The following PCDHA3 variants were observed in gnomAD, a reference collection of about 807,000 sequenced individuals.
PCDHA3 encodes protocadherin alpha 3, also known as protocadherin alpha-3.
PCDHA3 carries 41 observed loss-of-function variants against 62.2 expected under a neutral mutation model. The ratio of observed to expected loss-of-function variants is 0.66; its 90% CI spans 0.51 to 0.86. The LOEUF (loss-of-function observed/expected upper bound fraction) is 0.86, where lower values mean the gene tolerates loss of function less well. PCDHA3 is among the 40% of genes least tolerant of loss of function. The pLI is 0.00. For synonymous variants in PCDHA3, 640 were observed against 555.4 expected, an observed-to-expected ratio of 1.15 and a Z score of -2.14; for missense variants, 1,304 against 1,241.2, an observed-to-expected ratio of 1.05 and a Z score of -0.76.
intron 1 of PCDHA3, chr5:140,876,892 A>G (rs782046911): frequency 1.2e-6 from 2 of 1,614,044 alleles, no homozygotes; most frequent in South Asian, 1.1e-5. Context: ...GGGCTGCCAC[A>G]TCTTCACGGT....
chr5:140,899,050 G>A (rs1554188361), intron 1 of PCDHA3, among the ~76,000 whole-genome samples: 2 of 152,016 alleles, frequency 1.3e-5, no homozygotes, highest in African/African-American at 4.8e-5. Context: ...TGTATCCTGA[G>A]ACTTTGCTGA....
chr5:140,869,972 A>T (rs782424515), intron 1 of PCDHA3: 14 of 1,613,080 alleles, frequency 8.7e-6, no homozygotes. Context: ...AATGGAAGAC[A>T]CTTATTTACA....
intron 1 of PCDHA3, chr5:140,828,026 G>A: frequency 2.0e-6 from 3 of 1,519,410 alleles, no homozygotes; most frequent in Non-Finnish European, 2.6e-6. Context: ...ATAAATTCCG[G>A]AACATACAGT....
rs2150124604 is a variant in PCDHA3 at position 140,823,315 on chromosome 5, G to C, written c.2394+19724G>C. 2.4e-5 allele frequency: 39 copies of C among 1,612,268 alleles called. No homozygotes were observed. The Admixed American group carries it at 5.5e-4, about 23-fold the overall frequency. On this transcript the variant is annotated intron_variant, in intron 1 of 3. Transcript: ENST00000522353. ...TTACGTTTCGGTGCACGCGGAGAGC[G>C]GCAAGGTGTACGCGCTGCAGCCGCT...
Position 140,859,942 on chromosome 5 carries a change from C to T in PCDHA3, c.2394+56351C>T, listed in dbSNP as rs188063424. ...AGTAATATAAAAAACTTAGTAAAAACTCATATCAATTGTAAAAGTCTCAGG... is the reference window on the plus strand; with the variant it reads ...AGTAATATAAAAAACTTAGTAAAAATTCATATCAATTGTAAAAGTCTCAGG... On this transcript the variant is annotated intron_variant, in intron 1 of 3. Coordinates refer to ENST00000522353, the MANE Select transcript of PCDHA3 (RefSeq NM_018906.3). 5.9e-5 allele frequency: 9 copies of T among 151,828 alleles called. No individual in the cohort carries two copies. The East Asian group carries it at 1.5e-3, about 26-fold the overall frequency. 9.4% of individuals were successfully genotyped at this position (151,828 alleles called of 1,614,324 possible). A position where few individuals can be genotyped will look rare whatever the true frequency, so the allele number is the denominator to read the frequency against.
chr5:140,924,915 AT>A (rs1554202358), intron 1 of PCDHA3, among the ~76,000 whole-genome samples: 19 of 127,348 alleles, frequency 1.5e-4, no homozygotes, highest in African/African-American at 5.1e-4. Context: ...ATAAAATAAA[AT>A]AAAATAAAAT....
At chr5:140,935,639 T>A (rs1377571192) in intron 1 of PCDHA3, among the ~76,000 whole-genome samples, 2 of 152,192 alleles carry the variant, frequency 1.3e-5, no homozygotes, top group African/African-American at 4.8e-5. Context: ...AGGGCTTGCT[T>A]TTTAAATTTT....
intron 1 of PCDHA3, chr5:140,864,197 G>A (rs2048362384): frequency 6.6e-6 from 1 of 152,118 alleles, no homozygotes; most frequent in Non-Finnish European, 1.5e-5. Context: ...ATCCTTATGA[G>A]AAGGTCAAAT....
At chr5:140,884,588 C>G (rs1554181766) in intron 1 of PCDHA3, 1 of 1,614,152 alleles carries the variant, frequency 6.2e-7, no homozygotes, top group East Asian at 2.2e-5. Context: ...GGCCTTCAGT[C>G]CCAGCCTTCC....
intron 1 of PCDHA3, among the ~76,000 whole-genome samples, chr5:140,909,331 G>T (rs1162078506): frequency 6.6e-6 from 1 of 152,226 alleles, no homozygotes; most frequent in Admixed American, 6.5e-5. Context: ...ATCAATGGTT[G>T]CATACCAGGT....
intron 1 of PCDHA3, chr5:140,869,288 G>T (rs950790626): frequency 6.2e-7 from 1 of 1,613,578 alleles, no homozygotes; most frequent in East Asian, 2.2e-5. Context: ...CTGGTGCAGC[G>T]CCTGTTCCGG....
rs2150203644 is a variant in PCDHA3, at chr5:140,832,732, A to G, written c.2394+29141A>G. Among the ~76,000 whole-genome samples the G allele has an allele frequency of 1.6e-4, 25 of 152,362 alleles. No individual in the cohort carries two copies. In the East Asian group the frequency reaches 4.4e-3, roughly 27 times the overall value. On this transcript the variant is annotated intron_variant, in intron 1 of 3. Coordinates refer to ENST00000522353, the MANE Select transcript of PCDHA3 (RefSeq NM_018906.3). ...ATAGATAAATAAAGGTAAGTATCCT[A>G]CATAAATACGATGATAGTAAAAGCA...
intron 1 of PCDHA3, chr5:140,842,613 G>C (rs782736515): frequency 1.9e-6 from 3 of 1,595,698 alleles, no homozygotes; most frequent in Non-Finnish European, 2.6e-6. Flanking sequence ...CGGGACGGGG[G>C]CTCGCCTTCG....
chr5:140,978,834 C>A (rs1294349430), intron 1 of PCDHA3, 115 bp from the exon 2 acceptor site: 3 of 1,546,580 alleles, frequency 1.9e-6, no homozygotes, highest in Non-Finnish European at 2.6e-6. Context: ...ATGGCTCATT[C>A]AATACTTTTT....
At chr5:140,941,409 C>G (rs1284702446) in intron 1 of PCDHA3, among the ~76,000 whole-genome samples, 1 of 149,924 alleles carries the variant, frequency 6.7e-6, no homozygotes, top group Non-Finnish European at 1.5e-5. Flanking sequence ...CTCCGCCTCC[C>G]GGGTTCAAGC....
At chr5:140,869,100 TGCGATGTTTGGTTTTCAGAGAAGG>T (rs1554162487) in intron 1 of PCDHA3, 1 of 1,596,924 alleles carries the variant, frequency 6.3e-7, no homozygotes, top group South Asian at 1.1e-5. Flanking sequence ...CAATTTCGTA[TGCGATGTTTGGTTTTCAGAGAAGG>T]GGATTGGGCA....
intron 1 of PCDHA3, among the ~76,000 whole-genome samples, chr5:140,896,222 A>G (rs1554186870): frequency 6.6e-6 from 1 of 152,222 alleles, no homozygotes; most frequent in Non-Finnish European, 1.5e-5. Context: ...ATGTGTCTTT[A>G]TAGTAGAATG....
At position 140,968,051 on chromosome 5, in the gene PCDHA3, C is replaced by A. The variant is rs1353005851; in HGVS notation, c.2395-10898C>A. On this transcript the variant is annotated intron_variant, in intron 1 of 3. Transcript: ENST00000522353. ...ACTGGTGGTGAGCGGCCCACTGGACCGAGAGCGGGTGGCTGTCTACAACAT... is the reference window on the plus strand; with the variant it reads ...ACTGGTGGTGAGCGGCCCACTGGACAGAGAGCGGGTGGCTGTCTACAACAT... The A allele has an allele frequency of 1.9e-6, 3 of 1,614,018 alleles. No homozygotes were observed. The Admixed American group carries it at 5.0e-5, about 27-fold the overall frequency.
intron 1 of PCDHA3, among the ~76,000 whole-genome samples, chr5:140,917,131 G>C (rs572644426): frequency 6.6e-6 from 1 of 152,072 alleles, no homozygotes; most frequent in Non-Finnish European, 1.5e-5. Flanking sequence ...GACTCCCCAC[G>C]TTGCTCAGCT....
Sources: allele counts gnomAD v4.1 joint callset (sites outside exome capture counted in the v4.1 genomes callset), GRCh38; gene constraint gnomAD v4.1.1; transcripts MANE v1.5; gene names NCBI Gene and HGNC (gene_info 2026-07-23, HGNC 2026-07-21).